The following SYN3 variants were observed in gnomAD, a reference collection of about 807,000 sequenced individuals.
SYN3 encodes synapsin-3.
A neutral mutation model predicts 65.8 loss-of-function variants in SYN3; 35 were observed. That is an observed-to-expected ratio of 0.53 (90% CI 0.41 to 0.70). The LOEUF is 0.70. SYN3 is among the 30% of genes least tolerant of loss of function. SYN3 has a pLI of 0.00. For missense variants in SYN3, 680 were observed against 749.0 expected, an observed-to-expected ratio of 0.91 and a Z score of 1.08; for synonymous variants, 270 against 292.9, an observed-to-expected ratio of 0.92 and a Z score of 0.80.
At chr22:32,623,729 A>G (rs2059626880) in intron 6 of SYN3, among the ~76,000 whole-genome samples, 1 of 152,222 alleles carries the variant, frequency 6.6e-6, no homozygotes, top group South Asian at 2.1e-4. Flanking sequence ...ACAGTGGTGA[A>G]CAAAACTCCA....
chr22:33,050,943 C>T (rs1273224067), intron 1 of SYN3, among the ~76,000 whole-genome samples: 1 of 152,178 alleles, frequency 6.6e-6, no homozygotes, highest in African/African-American at 2.4e-5. Flanking sequence ...GGACATATGC[C>T]GTGTATCCCT....
chr22:33,002,673 T>C (rs1026869973), intron 2 of SYN3, among the ~76,000 whole-genome samples: 10 of 151,976 alleles, frequency 6.6e-5, no homozygotes, highest in African/African-American at 2.4e-4. Context: ...AAAAAAACTA[T>C]AAATAGCAAA....
chr22:32,850,834 G>A (rs986086044), intron 6 of SYN3, among the ~76,000 whole-genome samples: 10 of 152,182 alleles, frequency 6.6e-5, no homozygotes, highest in Admixed American at 3.3e-4. Context: ...GAGACAAGCC[G>A]CAATGTCCAG....
chr22:32,898,725 C>T (rs952389289), intron 4 of SYN3, among the ~76,000 whole-genome samples: 11 of 152,168 alleles, frequency 7.2e-5, no homozygotes, highest in Non-Finnish European at 1.2e-4. Context: ...GAGAAATGGG[C>T]TGGTGTCCTA....
intron 7 of SYN3, among the ~76,000 whole-genome samples, chr22:32,593,985 C>T (rs1260350401): frequency 6.6e-6 from 1 of 151,982 alleles, no homozygotes; most frequent in East Asian, 1.9e-4. Flanking sequence ...GGATGGCCAG[C>T]CACTGTAAAT....
intron 7 of SYN3, among the ~76,000 whole-genome samples, chr22:32,553,632 G>T (rs1303918099): frequency 1.3e-5 from 2 of 152,288 alleles, no homozygotes; most frequent in Admixed American, 6.5e-5. Flanking sequence ...ATATAACAAG[G>T]TTAGGTTGCT....
intron 4 of SYN3, among the ~76,000 whole-genome samples, chr22:32,880,853 G>A (rs2049113710): frequency 6.6e-6 from 1 of 152,252 alleles, no homozygotes; most frequent in South Asian, 2.1e-4. Flanking sequence ...CAGGGCCCAT[G>A]TCTGAAATGC....
intron 7 of SYN3, among the ~76,000 whole-genome samples, chr22:32,556,288 T>C (rs1325010518): frequency 6.6e-6 from 1 of 152,246 alleles, no homozygotes; most frequent in East Asian, 1.9e-4. Flanking sequence ...ATGTGCTTAT[T>C]GGGCAGTGCA....
chr22:32,960,501 G>A (rs115434312), intron 3 of SYN3, among the ~76,000 whole-genome samples: 2,135 of 152,242 alleles, frequency 0.014, 52 homozygotes, highest in African/African-American at 0.049. Flanking sequence ...TGTGCCCCCC[G>A]CCTGCATGTG....
At chr22:32,879,743 T>C (rs1227363068) in intron 4 of SYN3, among the ~76,000 whole-genome samples, 1 of 152,232 alleles carries the variant, frequency 6.6e-6, no homozygotes, top group Non-Finnish European at 1.5e-5. Context: ...CCTGAGTACC[T>C]AGCCGGTGTT....
chr22:33,045,724 A>G (rs2054052106), intron 1 of SYN3, among the ~76,000 whole-genome samples: 1 of 151,830 alleles, frequency 6.6e-6, no homozygotes, highest in African/African-American at 2.4e-5. Context: ...GGCCTCCCAA[A>G]GTGCTGGGCC....
In SYN3 at chr22:33,002,727, G is replaced by A. The variant is rs73162053; in HGVS notation, c.311+3625C>T. Reference sequence around the variant, plus strand: ...CCAAACTAAGTTAATGTCTCAAGGAGTGAATGAGTGTATATACATGCACAT... The same window carrying A: ...CCAAACTAAGTTAATGTCTCAAGGAATGAATGAGTGTATATACATGCACAT... On this transcript the variant is annotated intron_variant, in intron 2 of 13. Transcript: ENST00000358763. 5.8e-3 allele frequency among the ~76,000 whole-genome samples: 885 copies of A among 152,326 alleles called. 7 individuals carry two copies. Among genetic ancestry groups the A allele is most frequent in the South Asian group, 0.028 (136 of 4,822 alleles).
At chr22:33,014,659 A>G (rs1040612778) in intron 1 of SYN3, 2 of 152,446 alleles carry the variant, frequency 1.3e-5, no homozygotes, top group African/African-American at 4.8e-5. Flanking sequence ...AGGTGCCTGT[A>G]GCACCAGCTA....
At chr22:32,826,361 G>A (rs888301306) in intron 6 of SYN3, among the ~76,000 whole-genome samples, 1 of 152,068 alleles carries the variant, frequency 6.6e-6, no homozygotes, top group South Asian at 2.1e-4. Flanking sequence ...CCCGGGAGGC[G>A]GAGGTTGCAG....
rs560189043 is a variant in SYN3, at chr22:32,628,620, T to C, written c.712-31884A>G. 3.9e-5 allele frequency among the ~76,000 whole-genome samples: 6 copies of C among 152,246 alleles called. No homozygotes were observed. In the South Asian group the frequency reaches 1.2e-3, roughly 32 times the overall value. On this transcript the variant is annotated intron_variant, in intron 6 of 13. Coordinates refer to ENST00000358763, the MANE Select transcript of SYN3 (RefSeq NM_003490.4). ...AAATTTGGCCGGGCGTGGTGGCTCATGCCTATAATCCCAGCTACTCCGGAG... is the reference window on the plus strand; with the variant it reads ...AAATTTGGCCGGGCGTGGTGGCTCACGCCTATAATCCCAGCTACTCCGGAG...
chr22:32,613,282 G>A (rs5754172), intron 6 of SYN3, among the ~76,000 whole-genome samples: 38,052 of 151,748 alleles, frequency 0.25, 5,413 homozygotes, highest in Non-Finnish European at 0.32. Flanking sequence ...ATATAATACA[G>A]TAAATAAATA....
chr22:32,841,183 C>T lies in SYN3; in HGVS notation c.711+23732G>A, dbSNP rs566169724. ...TGCCTGTTATGTGCCAGGCACTCTT[C>T]GGGCAGCTTTGGCTACAGCAATAGG... On this transcript the variant is annotated intron_variant, in intron 6 of 13. Coordinates refer to ENST00000358763, the MANE Select transcript of SYN3 (RefSeq NM_003490.4). Among the ~76,000 whole-genome samples the T allele has an allele frequency of 3.3e-5, 5 of 152,328 alleles. No individual in the cohort carries two copies. The South Asian group carries it at 6.2e-4, about 19-fold the overall frequency.
rs1006475517 is a variant in SYN3, at chr22:32,801,181, G to A, written c.711+63734C>T. Among the ~76,000 whole-genome samples, 2 of 152,216 alleles carry A rather than the reference G, an allele frequency of 1.3e-5. No individual in the cohort carries two copies. The highest frequency in any genetic ancestry group is 2.9e-5 in the Non-Finnish European group (2 of 68,040). On this transcript the variant is annotated intron_variant, in intron 6 of 13. Coordinates refer to ENST00000358763, the MANE Select transcript of SYN3 (RefSeq NM_003490.4). This position sits in a 1 kb window ranked among gnomAD's most constrained non-coding sequence, Gnocchi z 4.7. ...CCAGAGAGTAAGAACCAGAGAGAGA[G>A]AGAAAGAGAGAGAGTTTGGGTCTTT...
intron 4 of SYN3, among the ~76,000 whole-genome samples, chr22:32,880,052 A>G (rs2049086477): frequency 6.6e-6 from 1 of 152,128 alleles, no homozygotes; most frequent in Non-Finnish European, 1.5e-5. Context: ...CCATGCCAGA[A>G]CTTGAAGCCA....
Sources: gnomAD v4.1 joint callset for allele counts (sites outside exome capture counted in the v4.1 genomes callset) on GRCh38, gnomAD v4.1.1 for gene constraint, Gnocchi (gnomAD v3.1) non-coding constraint, MANE v1.5 for transcripts, NCBI Gene and HGNC (gene_info 2026-07-23, HGNC 2026-07-21) for gene names.